Variants in CDH13 observed in about 807,000 individuals in gnomAD.
The protein encoded by CDH13 is cadherin-13.
A neutral mutation model predicts 63.8 loss-of-function variants in CDH13; 24 were observed. That is an observed-to-expected ratio of 0.38 (90% CI 0.27 to 0.53). CDH13 has a LOEUF of 0.53. CDH13 is among the 20% of genes least tolerant of loss of function. The pLI is 0.85. For missense variants in CDH13, 1,049 were observed against 903.1 expected, an observed-to-expected ratio of 1.16 and a Z score of -2.07; for synonymous variants, 503 against 355.3, an observed-to-expected ratio of 1.42 and a Z score of -4.67.
chr16:83,613,147 A>G (rs1908999727), intron 8 of CDH13, among the ~76,000 whole-genome samples: 1 of 152,230 alleles, frequency 6.6e-6, no homozygotes, highest in Non-Finnish European at 1.5e-5. Flanking sequence ...ATGTTTGTCA[A>G]AAGGTCAGCT....
intron 1 of CDH13, among the ~76,000 whole-genome samples, chr16:82,831,012 C>G (rs1317880203): frequency 2.0e-5 from 3 of 152,056 alleles, no homozygotes; most frequent in Non-Finnish European, 2.9e-5. Flanking sequence ...AGCTACGGCC[C>G]CCTTCTCTGC....
At chr16:83,534,460 G>T (rs2075144827) in intron 7 of CDH13, among the ~76,000 whole-genome samples, 1 of 152,182 alleles carries the variant, frequency 6.6e-6, no homozygotes, top group Non-Finnish European at 1.5e-5. Context: ...TGTTGAATCT[G>T]ACATCAAATA....
At chr16:83,573,379 A>G (rs973124707) in intron 7 of CDH13, among the ~76,000 whole-genome samples, 1 of 152,206 alleles carries the variant, frequency 6.6e-6, no homozygotes, top group Non-Finnish European at 1.5e-5. Context: ...GTTCAGCAAA[A>G]AAACCGGAAT....
chr16:83,396,218 G>A (rs372617481), intron 6 of CDH13, among the ~76,000 whole-genome samples: 14 of 152,200 alleles, frequency 9.2e-5, no homozygotes, highest in African/African-American at 2.4e-4. Flanking sequence ...GGTTGATTCC[G>A]TGCCTTTGCT....
At chr16:82,874,022 A>G (rs1475328506) in intron 2 of CDH13, among the ~76,000 whole-genome samples, 1 of 150,718 alleles carries the variant, frequency 6.6e-6, no homozygotes, top group Non-Finnish European at 1.5e-5. Flanking sequence ...TTAGGTCCAG[A>G]TGTGTTCTGG....
intron 5 of CDH13, among the ~76,000 whole-genome samples, chr16:83,242,142 A>G (rs4782524): frequency 0.85 from 128,775 of 152,186 alleles, 56,543 homozygotes; most frequent in East Asian, 1. Context: ...AGCCATATAC[A>G]TAAGGGTTTA....
At chr16:82,757,929 G>A (rs759979375) in intron 1 of CDH13, among the ~76,000 whole-genome samples, 14 of 152,144 alleles carry the variant, frequency 9.2e-5, no homozygotes, top group Non-Finnish European at 1.6e-4. Context: ...GATTACAGGC[G>A]TGAGTCACCG....
rs139198496 is a variant in CDH13 at position 82,958,795 on chromosome 16, G to T, written c.158-73215G>T. Among the ~76,000 whole-genome samples the T allele has an allele frequency of 1.5e-3, 227 of 152,350 alleles. 1 individual carries two copies. The highest frequency in any genetic ancestry group is 5.3e-3 in the African/African-American group (221 of 41,582). The stretch of plus-strand genomic sequence containing the variant: ...CAGGAAAGAGAGACGGTTAACTTGG[G>T]GTCAACAATGCGATGCACGCCCTGC... On this transcript the variant is annotated intron_variant, in intron 2 of 13. Transcript: ENST00000567109.
At chr16:83,042,086 A>G (rs572938733) in intron 3 of CDH13, among the ~76,000 whole-genome samples, 5 of 152,292 alleles carry the variant, frequency 3.3e-5, no homozygotes, top group East Asian at 3.9e-4. Flanking sequence ...TGTTTTGGCC[A>G]TGATGCCATC....
chr16:83,551,463 T>A (rs1425329245), intron 7 of CDH13, among the ~76,000 whole-genome samples: 1 of 152,234 alleles, frequency 6.6e-6, no homozygotes, highest in Non-Finnish European at 1.5e-5. Flanking sequence ...TCTTAGGCCA[T>A]GACAACCCAC....
At chr16:83,014,362 T>G (rs1914472558) in intron 2 of CDH13, among the ~76,000 whole-genome samples, 3 of 151,292 alleles carry the variant, frequency 2.0e-5, no homozygotes, top group Admixed American at 1.3e-4. Context: ...CTAACTAAAT[T>G]TTAACTGACG....
At chr16:82,809,231 G>A (rs964458480) in intron 1 of CDH13, among the ~76,000 whole-genome samples, 1 of 151,778 alleles carries the variant, frequency 6.6e-6, no homozygotes, top group East Asian at 1.9e-4. Flanking sequence ...TTAAACATTT[G>A]CCAAGCTATT....
At chr16:83,786,027 T>G in intron 13 of CDH13, among the ~76,000 whole-genome samples, 1 of 152,138 alleles carries the variant, frequency 6.6e-6, no homozygotes. Context: ...AGATGTTTGC[T>G]ACCGATGGTG....
intron 7 of CDH13, among the ~76,000 whole-genome samples, chr16:83,534,697 C>T (rs1024815236): frequency 2.6e-5 from 4 of 152,190 alleles, no homozygotes; most frequent in Non-Finnish European, 5.9e-5. Flanking sequence ...TATGGATAGG[C>T]CACATTTTGT....
intron 6 of CDH13, among the ~76,000 whole-genome samples, chr16:83,365,654 G>C (rs2151390609): frequency 6.6e-6 from 1 of 152,306 alleles, no homozygotes; most frequent in Admixed American, 6.5e-5. Context: ...GGATTATCCA[G>C]GTGGACCCAG....
intron 3 of CDH13, among the ~76,000 whole-genome samples, chr16:83,121,285 G>T (rs901371123): frequency 6.6e-6 from 1 of 152,080 alleles, no homozygotes; most frequent in Non-Finnish European, 1.5e-5. Context: ...ATACAAAATA[G>T]AATGCATTGA....
intron 1 of CDH13, among the ~76,000 whole-genome samples, chr16:82,836,723 C>T (rs1353110889): frequency 1.3e-5 from 2 of 152,174 alleles, no homozygotes; most frequent in African/African-American, 4.8e-5. Context: ...TTCTGTGGTA[C>T]ACCTGGGCTC....
rs375067434 is a variant in CDH13, at chr16:83,403,168, A to C, written c.781+58162A>C. On this transcript the variant is annotated intron_variant, in intron 6 of 13. Transcript: ENST00000567109. ...ATACGTCTTGTGAGAATGAAAAGCT[A>C]AGGTACACTATATGAGGTTAGTGTT... Among the ~76,000 whole-genome samples the C allele has an allele frequency of 4.6e-3, 705 of 152,234 alleles. 5 individuals are homozygous for C. The highest frequency in any genetic ancestry group is 0.016 in the African/African-American group (675 of 41,540).
At chr16:82,963,152 C>T (rs1234404321) in intron 2 of CDH13, among the ~76,000 whole-genome samples, 9 of 151,838 alleles carry the variant, frequency 5.9e-5, no homozygotes. Flanking sequence ...GGGCAGATCA[C>T]CTGAGGTCAG....
Sources: allele counts gnomAD v4.1 joint callset (sites outside exome capture counted in the v4.1 genomes callset), GRCh38; gene constraint gnomAD v4.1.1; transcripts MANE v1.5; gene names NCBI Gene and HGNC (gene_info 2026-07-23, HGNC 2026-07-21).